ALDH9A1: variants seen among roughly 807,000 people sequenced by gnomAD.
The protein encoded by ALDH9A1 is aldehyde dehydrogenase 9 family member A1.
Under a neutral mutation model 56.6 loss-of-function variants are expected in ALDH9A1, and 42 were observed. The ratio of observed to expected loss-of-function variants is 0.74; its 90% CI spans 0.58 to 0.96. The LOEUF is 0.96. Ranked by LOEUF, ALDH9A1 falls within the 40% of genes least tolerant of loss-of-function variation. The probability of loss-of-function intolerance (pLI) is 0.00; values close to 1 mark genes in which losing one functional copy is unlikely to be tolerated. For missense variants in ALDH9A1, 661 were observed against 651.5 expected (o/e 1.01, Z -0.16); for synonymous variants, 242 against 236.0 (o/e 1.03, Z -0.23).
intron 6 of ALDH9A1, among the ~76,000 whole-genome samples, chr1:165,672,672 C>T (rs1459761106): frequency 2.0e-5 from 3 of 152,126 alleles, no homozygotes; most frequent in African/African-American, 7.2e-5. Flanking sequence ...TGTGGTGGCT[C>T]ACGCCTGTAG....
chr1:165,676,574 G>A (rs752964108), intron 6 of ALDH9A1: 30 of 269,112 alleles, frequency 1.1e-4, no homozygotes, highest in African/African-American at 1.6e-4. Context: ...GAGAATTAAC[G>A]TGCACATTGA....
chr1:165,679,380 AC>A, intron 6 of ALDH9A1, 61 bp downstream of exon 6: 1 of 1,574,676 alleles, frequency 6.4e-7, no homozygotes, highest in Non-Finnish European at 8.7e-7. Flanking sequence ...AAGCTTTAAA[AC>A]ACACTGTTGG....
In ALDH9A1 at chr1:165,662,971, A is replaced by T; in HGVS notation, c.*79T>A. 1 of 1,243,718 alleles carries T rather than the reference A, an allele frequency of 8.0e-7. No homozygotes were observed. Among genetic ancestry groups the T allele is most frequent in the Non-Finnish European group, 1.2e-6 (1 of 844,802 alleles). 77.0% of individuals were successfully genotyped at this position (1,243,718 alleles called of 1,614,324 possible). A position where few individuals can be genotyped will look rare whatever the true frequency, so the allele number is the denominator to read the frequency against. On this transcript the variant is annotated 3_prime_UTR_variant, in exon 11 of 11. Transcript: ENST00000354775. ...AAATTCTGGATGTAAAATAACATTC[A>T]GTTGTACTGCCTCTGTAAACAGGGC...
intron 2 of ALDH9A1, among the ~76,000 whole-genome samples, chr1:165,687,555 C>G (rs1649750483): frequency 6.6e-6 from 1 of 152,036 alleles, no homozygotes; most frequent in East Asian, 1.9e-4. Flanking sequence ...CAATACAAAT[C>G]AGAAGACAGT....
intron 6 of ALDH9A1, chr1:165,671,685 C>T: frequency 2.1e-6 from 1 of 465,222 alleles, no homozygotes. Flanking sequence ...GTCCTCTCTC[C>T]CAACTGGAAA....
chr1:165,667,272 T>G, intron 9 of ALDH9A1, 37 bp downstream of exon 9: 1 of 1,612,834 alleles, frequency 6.2e-7, no homozygotes, highest in East Asian at 2.2e-5. Flanking sequence ...GCAGCCCCGC[T>G]CCTTCAAAAC....
Position 165,680,623 on chromosome 1 carries a change from T to G in ALDH9A1, c.653A>C (p.Glu218Ala), listed in dbSNP as rs138240128. 6.4e-4 allele frequency: 1,031 copies of G among 1,614,104 alleles called. 7 individuals carry two copies. Among genetic ancestry groups the G allele is most frequent in the South Asian group, 2.4e-3 (220 of 91,072 alleles). Residue 218 changes from glutamate to alanine, a missense_variant, in exon 5 of 11, where the codon GAA becomes GCA. Coordinates refer to ENST00000354775, the MANE Select transcript of ALDH9A1 (RefSeq NM_000696.4). ...AGGTACACCAGCCTCACTGTAGATT[T>G]CAGCCAGTAGCAATGCAGAAACAGG... ...FTPVSALLLA[E>A]IYSEAGVPPG...
intron 2 of ALDH9A1, among the ~76,000 whole-genome samples, chr1:165,694,345 C>T (rs542457631): frequency 1.8e-4 from 28 of 152,200 alleles, no homozygotes; most frequent in African/African-American, 5.8e-4. Flanking sequence ...GAGGACCTTC[C>T]GTGTGTTAGG....
intron 9 of ALDH9A1, 166 bp from the exon 10 acceptor site, chr1:165,665,296 G>C (rs538625538): frequency 6.0e-4 from 360 of 602,538 alleles, no homozygotes; most frequent in Middle Eastern, 2.6e-3. Context: ...ATATGGATTG[G>C]GTTTTATAGT....
At chr1:165,688,808 T>C (rs941982989) in intron 2 of ALDH9A1, among the ~76,000 whole-genome samples, 2 of 152,198 alleles carry the variant, frequency 1.3e-5, no homozygotes, top group Non-Finnish European at 2.9e-5. Context: ...GTGGGATCTA[T>C]TCAGTTATGG....
Position 165,667,379 on chromosome 1 carries a change from C to CA in ALDH9A1, c.1278dup (p.Asp427Ter). The CA allele has an allele frequency of 6.2e-7, 1 of 1,614,124 alleles. No individual in the cohort carries two copies. Among genetic ancestry groups the CA allele is most frequent in the Non-Finnish European group, 8.5e-7 (1 of 1,180,004 alleles). On this transcript the variant is annotated frameshift_variant, in exon 9 of 11. Coordinates refer to ENST00000354775, the MANE Select transcript of ALDH9A1 (RefSeq NM_000696.4). LOFTEE classifies it high-confidence loss of function. ...CTTTCTAGAACCTCAGCTTCAGTGT[C>CA]AAATGATAAAATGGACATAACAGGC...
rs1407898628 is a variant in ALDH9A1, at chr1:165,682,997, C to T, written c.441G>A (p.Leu147=). Residue 147 remains leucine, a synonymous_variant, in exon 3 of 11, where the codon TTG becomes TTA. Transcript: ENST00000354775. ...SWQCLEYYAG[L]AASMAGEHIQ... is the part of the protein sequence containing the mutation. The stretch of plus-strand genomic sequence containing the variant: ...AGGACTTACCAGCCATGGATGCAGC[C>T]AAGCCCGCATAATACTCCAGGCACT... 1 of 1,613,982 alleles carries T rather than the reference C, an allele frequency of 6.2e-7. No homozygotes were observed. Among genetic ancestry groups the T allele is most frequent in the Non-Finnish European group, 8.5e-7 (1 of 1,179,964 alleles).
intron 1 of ALDH9A1, 22 bp downstream of exon 1, chr1:165,698,356 C>T (rs754469432): frequency 1.3e-6 from 2 of 1,577,098 alleles, no homozygotes; most frequent in South Asian, 1.1e-5. Context: ...GCGCCCCAGC[C>T]TCCCCGGCTC....
chr1:165,692,172 C>T (rs1237852531), intron 2 of ALDH9A1, among the ~76,000 whole-genome samples: 1 of 152,072 alleles, frequency 6.6e-6, no homozygotes, highest in Non-Finnish European at 1.5e-5. Context: ...ACATGAATGC[C>T]CTCTCTCACC....
chr1:165,677,877 A>T (rs988653026), intron 6 of ALDH9A1, among the ~76,000 whole-genome samples: 1 of 150,532 alleles, frequency 6.6e-6, no homozygotes, highest in African/African-American at 2.4e-5. Context: ...AAAAAAAAAA[A>T]AATTAGCCAG....
chr1:165,683,129 A>C lies in ALDH9A1; in HGVS notation c.328-19T>G. 6.2e-7 allele frequency: 1 copy of C among 1,613,052 alleles called. No homozygotes were observed. Among genetic ancestry groups the C allele is most frequent in the Non-Finnish European group, 8.5e-7 (1 of 1,179,214 alleles). On this transcript the variant is annotated intron_variant, in intron 2 of 10. Coordinates refer to ENST00000354775, the MANE Select transcript of ALDH9A1 (RefSeq NM_000696.4). ...CCCGTTCCTTTGGGTAAAGCAGAAGACTAGATTTAAGACATATTCCAATAT... is the reference window on the plus strand; with the variant it reads ...CCCGTTCCTTTGGGTAAAGCAGAAGCCTAGATTTAAGACATATTCCAATAT...
intron 2 of ALDH9A1, among the ~76,000 whole-genome samples, chr1:165,690,836 T>C (rs1178374030): frequency 6.6e-6 from 1 of 152,156 alleles, no homozygotes; most frequent in Non-Finnish European, 1.5e-5. Flanking sequence ...TCCTGAGGCT[T>C]GACTAGGTAA....
chr1:165,697,395 G>A (rs994865794), intron 1 of ALDH9A1, among the ~76,000 whole-genome samples: 2 of 152,154 alleles, frequency 1.3e-5, no homozygotes, highest in Admixed American at 6.5e-5. Context: ...TAGATTGACC[G>A]TGGTAACCAT....
intron 2 of ALDH9A1, among the ~76,000 whole-genome samples, chr1:165,686,041 G>C (rs1649697571): frequency 6.6e-6 from 1 of 152,108 alleles, no homozygotes; most frequent in Non-Finnish European, 1.5e-5. Flanking sequence ...AAGTAAAAAT[G>C]AGAAAATATG....
Sources: allele counts gnomAD v4.1 joint callset (sites outside exome capture counted in the v4.1 genomes callset), GRCh38; gene constraint gnomAD v4.1.1; transcripts MANE v1.5; gene names NCBI Gene and HGNC (gene_info 2026-07-23, HGNC 2026-07-21).